Variants in RASGRP1 observed in about 807,000 individuals in gnomAD.
RASGRP1 encodes RAS guanyl releasing protein 1.
Under a neutral mutation model 95.1 loss-of-function variants are expected in RASGRP1, and 37 were observed. The observed-to-expected ratio is 0.39, with a 90% confidence interval of 0.30 to 0.51. The LOEUF is 0.51. RASGRP1 is among the 20% of genes least tolerant of loss of function. The pLI is 0.80. For synonymous variants in RASGRP1, 325 were observed against 353.4 expected, an observed-to-expected ratio of 0.92 and a Z score of 0.90; for missense variants, 711 against 965.4, an observed-to-expected ratio of 0.74 and a Z score of 3.49.
chr15:38,561,575 C>G (rs1329993908), intron 1 of RASGRP1, among the ~76,000 whole-genome samples: 3 of 152,190 alleles, frequency 2.0e-5, no homozygotes, highest in African/African-American at 4.8e-5. Context: ...GGGAAACCAG[C>G]CTGCTAAGAG....
At chr15:38,526,600 G>T (rs1008335102) in intron 2 of RASGRP1, among the ~76,000 whole-genome samples, 196 bp from the exon 3 acceptor site, 1 of 152,000 alleles carries the variant, frequency 6.6e-6, no homozygotes, top group African/African-American at 2.4e-5. Context: ...CCATTTTGAT[G>T]CTCATTAACT....
At chr15:38,528,826 T>G (rs1892332545) in intron 2 of RASGRP1, among the ~76,000 whole-genome samples, 1 of 152,192 alleles carries the variant, frequency 6.6e-6, no homozygotes, top group Admixed American at 6.5e-5. Flanking sequence ...CAGCCTTCGC[T>G]ACCCAATTAG....
chr15:38,560,650 C>T (rs1462247641), intron 1 of RASGRP1, among the ~76,000 whole-genome samples: 1 of 152,174 alleles, frequency 6.6e-6, no homozygotes, highest in Non-Finnish European at 1.5e-5. Context: ...TAAGCGAGTC[C>T]TGCCTTTCTT....
At chr15:38,494,847 ACCTT>A in intron 15 of RASGRP1, 80 bp from the exon 16 acceptor site, 1 of 1,201,916 alleles carries the variant, frequency 8.3e-7, no homozygotes, top group Non-Finnish European at 1.1e-6. Context: ...TTTCAATGAG[ACCTT>A]TCTTATTGTT....
chr15:38,521,608 T>TG lies in RASGRP1; in HGVS notation c.327-2238dup, dbSNP rs1337157804. 3.3e-5 allele frequency among the ~76,000 whole-genome samples: 5 copies of TG among 152,312 alleles called. No individual in the cohort carries two copies. In the East Asian group the frequency reaches 9.7e-4, roughly 29 times the overall value. On this transcript the variant is annotated intron_variant, in intron 3 of 16. Coordinates refer to ENST00000310803, the MANE Select transcript of RASGRP1 (RefSeq NM_005739.4). ...AGGAGCTGAAGCAAACACCAGCACA[T>TG]GCAGGCTAAATAGTAAGAGGCTCAG...
chr15:38,520,004 T>G (rs1283812382), intron 3 of RASGRP1, among the ~76,000 whole-genome samples: 1 of 152,226 alleles, frequency 6.6e-6, no homozygotes, highest in Non-Finnish European at 1.5e-5. Context: ...GAGGTCACCT[T>G]AAGGATCCTT....
chr15:38,497,625 C>G (rs1045756288), intron 15 of RASGRP1, among the ~76,000 whole-genome samples: 2 of 152,156 alleles, frequency 1.3e-5, no homozygotes, highest in African/African-American at 4.8e-5. Flanking sequence ...CTATTTGGCT[C>G]TTAGCATATA....
chr15:38,528,478 G>A (rs946177638), intron 2 of RASGRP1, among the ~76,000 whole-genome samples: 2 of 152,000 alleles, frequency 1.3e-5, no homozygotes, highest in Admixed American at 1.3e-4. Flanking sequence ...CTTACTTTAT[G>A]ACTCAGTAGC....
At chr15:38,498,604 A>G (rs948348959) in intron 15 of RASGRP1, among the ~76,000 whole-genome samples, 190 bp downstream of exon 15, 1 of 152,152 alleles carries the variant, frequency 6.6e-6, no homozygotes, top group Non-Finnish European at 1.5e-5. Flanking sequence ...GGACTCTGCT[A>G]TTCTCACACC....
At chr15:38,554,146 G>A (rs36027443) in intron 2 of RASGRP1, among the ~76,000 whole-genome samples, 54,745 of 151,702 alleles carry the variant, frequency 0.36, 11,127 homozygotes, top group African/African-American at 0.56. Flanking sequence ...AATCTCTGGA[G>A]TAGCAGAAAG....
intron 8 of RASGRP1, among the ~76,000 whole-genome samples, chr15:38,509,743 A>C (rs2141108564): frequency 6.6e-6 from 1 of 152,244 alleles, no homozygotes; most frequent in South Asian, 2.1e-4. Context: ...ATAAATAATA[A>C]AATTTATGAA....
At chr15:38,498,476 A>G (rs967319029) in intron 15 of RASGRP1, among the ~76,000 whole-genome samples, 1 of 152,036 alleles carries the variant, frequency 6.6e-6, no homozygotes, top group Non-Finnish European at 1.5e-5. Flanking sequence ...TTGGGTTTGG[A>G]GCTGGGGATA....
chr15:38,490,597 CT>C lies in RASGRP1; in HGVS notation c.2350del (p.Ser784AlafsTer5). 7 of 1,613,092 alleles carry C rather than the reference CT, an allele frequency of 4.3e-6. No homozygotes were observed. Among genetic ancestry groups the C allele is most frequent in the Non-Finnish European group, 5.9e-6 (7 of 1,179,376 alleles). ...CTCCATTTGAGCTAAGACATGATTG[CT>C]TTTTTCAAGCTGGAGGGATTCTATT... Reference protein sequence around the residue: ...KKIESLQLEKSNHVLAQMEQG... With the variant: ...KKIESLQLEKXNHVLAQMEQG... On this transcript the variant is annotated frameshift_variant, in exon 17 of 17. Transcript: ENST00000310803. LOFTEE classifies it high-confidence loss of function.
chr15:38,490,440 T>A lies in RASGRP1; in HGVS notation c.*114A>T, dbSNP rs921153609. 1 of 1,089,822 alleles carries A rather than the reference T, an allele frequency of 9.2e-7. No homozygotes were observed. The allele number at this position is 1,089,822 out of a possible 1,614,324, so 67.5% of individuals were successfully genotyped here. On this transcript the variant is annotated 3_prime_UTR_variant, in exon 17 of 17. Coordinates refer to ENST00000310803, the MANE Select transcript of RASGRP1 (RefSeq NM_005739.4). Reference sequence around the variant, plus strand: ...TAAATAAACAGTAACAGGCTTTTCCTTTTAAAGTACTGTTTTAAAGCTGGT... The same window carrying A: ...TAAATAAACAGTAACAGGCTTTTCCATTTAAAGTACTGTTTTAAAGCTGGT...
chr15:38,494,315 C>G, intron 16 of RASGRP1, 67 bp downstream of exon 16: 2 of 1,567,670 alleles, frequency 1.3e-6, no homozygotes, highest in Non-Finnish European at 1.7e-6. Flanking sequence ...AGTCCACATG[C>G]TCTTTCCTGG....
intron 8 of RASGRP1, among the ~76,000 whole-genome samples, chr15:38,510,102 A>G (rs1891442519): frequency 6.6e-6 from 1 of 152,198 alleles, no homozygotes; most frequent in Admixed American, 6.5e-5. Context: ...AGGTGAAATC[A>G]ACAACTTGGG....
intron 15 of RASGRP1, among the ~76,000 whole-genome samples, chr15:38,496,009 CAGAA>C (rs1282347024): frequency 6.6e-6 from 1 of 152,118 alleles, no homozygotes; most frequent in Non-Finnish European, 1.5e-5. Context: ...CAAAAAGCAA[CAGAA>C]AGCCCTTAAA....
In RASGRP1 at chr15:38,503,341, G is replaced by A. The variant is rs770578649; in HGVS notation, c.1359C>T (p.Asp453=). ...GTTTGGGAGACACTCCAGAAGCCCA[G>A]TCCACTACTACTGGTGGCTTTGAAG... ...LTPSKPPVVV[D]WASGVSPKPD... Residue 453 remains aspartate (D), a synonymous_variant, in exon 11 of 17, where the codon GAC becomes GAT. Transcript: ENST00000310803. 1 of 1,612,218 alleles carries A rather than the reference G, an allele frequency of 6.2e-7. No individual in the cohort carries two copies. Among genetic ancestry groups the A allele is most frequent in the African/African-American group, 1.3e-5 (1 of 74,930 alleles).
intron 2 of RASGRP1, among the ~76,000 whole-genome samples, chr15:38,540,597 G>T (rs529948146): frequency 6.6e-6 from 1 of 152,196 alleles, no homozygotes; most frequent in Non-Finnish European, 1.5e-5. Context: ...TAAAGACAAA[G>T]CAGTGACTAA....
Sources: allele counts gnomAD v4.1 joint callset (sites outside exome capture counted in the v4.1 genomes callset), GRCh38; gene constraint gnomAD v4.1.1; transcripts MANE v1.5; gene names NCBI Gene and HGNC (gene_info 2026-07-23, HGNC 2026-07-21).